Variants in IFNAR1 observed in about 807,000 individuals in gnomAD.
The protein encoded by IFNAR1 is interferon alpha and beta receptor subunit 1.
Under a neutral mutation model 62.1 loss-of-function variants are expected in IFNAR1, and 47 were observed. That is an observed-to-expected ratio of 0.76 (90% confidence interval 0.60 to 0.97). IFNAR1 has a LOEUF of 0.97. Ranked by LOEUF, IFNAR1 falls within the 50% of genes least tolerant of loss-of-function variation. The pLI is 0.00. For synonymous variants in IFNAR1, 219 were observed against 226.9 expected (o/e 0.97, Z 0.31); for missense variants, 638 against 654.5 (o/e 0.97, Z 0.27).
chr21:33,351,532 T>A (rs2083397139), intron 8 of IFNAR1, among the ~76,000 whole-genome samples: 3 of 151,262 alleles, frequency 2.0e-5, no homozygotes, highest in Admixed American at 1.3e-4. Context: ...TATCTATATT[T>A]TTTTATTTTA....
chr21:33,339,927 C>CAAAAAA (rs532975886), intron 2 of IFNAR1, among the ~76,000 whole-genome samples: 1 of 81,854 alleles, frequency 1.2e-5, no homozygotes. Context: ...GACTCTGTCT[C>CAAAAAA]AAAAAAAAAA....
intron 6 of IFNAR1, among the ~76,000 whole-genome samples, chr21:33,345,615 T>G (rs2083338370): frequency 6.6e-6 from 1 of 152,086 alleles, no homozygotes; most frequent in African/African-American, 2.4e-5. Flanking sequence ...ATATCTGGGG[T>G]TCTTACTGGC....
intron 10 of IFNAR1, among the ~76,000 whole-genome samples, chr21:33,355,069 A>AGT (rs1175062795): frequency 1.3e-5 from 2 of 152,072 alleles, no homozygotes; most frequent in African/African-American, 4.8e-5. Flanking sequence ...CCGATGGCAC[A>AGT]GTGTACCTTT....
At position 33,337,708 on chromosome 21, in the gene IFNAR1, ATT is replaced by A. The variant is rs376521094; in HGVS notation, c.200+2062_200+2063del. ...ATACTGTATACATACATATACACAC[ATT>A]GTGTATACATACATATACACACATT... is the stretch of plus-strand genomic sequence containing the variant. On this transcript the variant is annotated intron_variant, in intron 2 of 10. Transcript: ENST00000270139. Among the ~76,000 whole-genome samples, 17 of 141,426 alleles carry A rather than the reference ATT, an allele frequency of 1.2e-4. No homozygotes were observed. The East Asian group carries it at 1.7e-3, about 14-fold the overall frequency. 92.8% of individuals were successfully genotyped at this position (141,426 alleles called of 152,430 possible).
Position 33,325,011 on chromosome 21 carries a change from C to T in IFNAR1, c.-45C>T, listed in dbSNP as rs112371220. On this transcript the variant is annotated 5_prime_UTR_variant, in exon 1 of 11. Transcript: ENST00000270139. The stretch of plus-strand genomic sequence containing the variant: ...GGGCGATGGCGGCTGAGAGGAGCTG[C>T]GCGTGCGCGAACATGTAACTGGTGG... 8.5e-3 allele frequency: 13,064 copies of T among 1,533,864 alleles called. 76 individuals are homozygous for T. Among genetic ancestry groups the T allele is most frequent in the Non-Finnish European group, 0.01 (11,443 of 1,129,074 alleles).
upstream of IFNAR1, chr21:33,324,764 C>T (rs977304714): frequency 1.2e-5 from 6 of 491,500 alleles, no homozygotes; most frequent in African/African-American, 1.2e-4. Context: ...ATGCAGGAGG[C>T]CTGCGATTTC....
intron 1 of IFNAR1, among the ~76,000 whole-genome samples, chr21:33,328,128 T>G (rs1310221524): frequency 2.0e-5 from 3 of 152,210 alleles, no homozygotes; most frequent in Non-Finnish European, 4.4e-5. Flanking sequence ...TCTGTTTTTT[T>G]GTTTGTTTGT....
chr21:33,351,573 G>A (rs1339044216), intron 8 of IFNAR1, among the ~76,000 whole-genome samples: 2 of 146,846 alleles, frequency 1.4e-5, no homozygotes, highest in Non-Finnish European at 3.0e-5. Flanking sequence ...TTTTGAGACA[G>A]GTTCTCATTC....
chr21:33,355,015 A>T (rs1469130919), intron 10 of IFNAR1, among the ~76,000 whole-genome samples: 1 of 151,752 alleles, frequency 6.6e-6, no homozygotes, highest in Non-Finnish European at 1.5e-5. Context: ...ATGATCCCAG[A>T]GTCCGCCCGC....
chr21:33,347,960 G>T (rs2083364913), intron 6 of IFNAR1, among the ~76,000 whole-genome samples: 2 of 152,176 alleles, frequency 1.3e-5, no homozygotes, highest in Non-Finnish European at 2.9e-5. Context: ...TTTTGTGTTG[G>T]GGTGATAGTT....
At chr21:33,346,688 A>G (rs1228318806) in intron 6 of IFNAR1, among the ~76,000 whole-genome samples, 3 of 152,274 alleles carry the variant, frequency 2.0e-5, no homozygotes. Context: ...CAGTTAGCCA[A>G]CATTGCAAAG....
At position 33,345,195 on chromosome 21, in the gene IFNAR1, C is replaced by T. The variant is rs530972045; in HGVS notation, c.674-51C>T. 49 of 853,348 alleles carry T rather than the reference C, an allele frequency of 5.7e-5. 2 individuals carry two copies. In the Admixed American group the frequency reaches 9.3e-4, roughly 16 times the overall value. The allele number at this position is 853,348 out of a possible 1,614,324, so 52.9% of individuals were successfully genotyped here. A position where few individuals can be genotyped will look rare whatever the true frequency, so the allele number is the denominator to read the frequency against. ...GAGCCTTTATCTTCTTGCCAGTTAT[C>T]TCACTTGAGTAAAAATGTGTGCTTT... On this transcript the variant is annotated intron_variant, in intron 5 of 10. Transcript: ENST00000270139.
In IFNAR1 at chr21:33,337,633, TAC is replaced by T. The variant is rs889409494; in HGVS notation, c.200+1989_200+1990del. Among the ~76,000 whole-genome samples, 304 of 85,288 alleles carry T rather than the reference TAC, an allele frequency of 3.6e-3. 1 individual carries two copies. Among genetic ancestry groups the T allele is most frequent in the African/African-American group, 0.012 (284 of 23,324 alleles). 56.0% of individuals were successfully genotyped at this position (85,288 alleles called of 152,430 possible). ...AATACACACTGTATATATGCATATA[TAC>T]ACTATATATATACATACTGTATATA... On this transcript the variant is annotated intron_variant, in intron 2 of 10. Transcript: ENST00000270139.
chr21:33,348,588 G>C (rs1387854564), intron 6 of IFNAR1, among the ~76,000 whole-genome samples: 1 of 152,106 alleles, frequency 6.6e-6, no homozygotes, highest in Non-Finnish European at 1.5e-5. Flanking sequence ...GATCACCTGA[G>C]GTCAGGAGTT....
chr21:33,344,175 T>A (rs1024572724), intron 5 of IFNAR1, among the ~76,000 whole-genome samples: 1 of 151,544 alleles, frequency 6.6e-6, no homozygotes, highest in Admixed American at 6.6e-5. Flanking sequence ...AAAAAAAAAG[T>A]TCAAATATTT....
intron 2 of IFNAR1, among the ~76,000 whole-genome samples, chr21:33,338,950 C>A (rs185374628): frequency 6.6e-6 from 1 of 152,024 alleles, no homozygotes; most frequent in Admixed American, 6.6e-5. Flanking sequence ...CCATGTTGAT[C>A]GGGCTGATCT....
chr21:33,345,590 A>C (rs149190130), intron 6 of IFNAR1, among the ~76,000 whole-genome samples: 1 of 152,306 alleles, frequency 6.6e-6, no homozygotes, highest in East Asian at 1.9e-4. Context: ...TCACTTGTAA[A>C]ATAGATGGAT....
intron 1 of IFNAR1, chr21:33,334,536 G>C: frequency 2.2e-6 from 1 of 460,022 alleles, no homozygotes; most frequent in East Asian, 5.4e-5. Flanking sequence ...AAAGCTAAGG[G>C]AGTTCATTAC....
chr21:33,328,020 A>C (rs141559262), intron 1 of IFNAR1, among the ~76,000 whole-genome samples: 4 of 152,358 alleles, frequency 2.6e-5, no homozygotes, highest in South Asian at 2.1e-4. Flanking sequence ...CCCACAGCCC[A>C]CTGGCCGCGT....
Sources: gnomAD v4.1 joint callset for allele counts (sites outside exome capture counted in the v4.1 genomes callset) on GRCh38, gnomAD v4.1.1 for gene constraint, MANE v1.5 for transcripts, NCBI Gene and HGNC (gene_info 2026-07-23, HGNC 2026-07-21) for gene names.